The following C2orf15 variants were observed in gnomAD, a reference collection of about 807,000 sequenced individuals.
C2orf15 encodes the protein chromosome 2 open reading frame 15, also known as uncharacterized protein C2orf15.
A neutral mutation model predicts 4.4 loss-of-function variants in C2orf15; 3 were observed. The ratio of observed to expected loss-of-function variants is 0.67; its 90% CI spans 0.31 to 1.74. The LOEUF (loss-of-function observed/expected upper bound fraction) is 1.74, where lower values mean the gene tolerates loss of function less well. C2orf15 is among the 40% of genes most tolerant of loss of function. The probability of loss-of-function intolerance (pLI) is 0.09; values close to 1 mark genes in which losing one functional copy is unlikely to be tolerated. For synonymous variants in C2orf15, 37 were observed against 36.8 expected, an observed-to-expected ratio of 1.00 and a Z score of -0.02; for missense variants, 90 against 103.3, an observed-to-expected ratio of 0.87 and a Z score of 0.56.
In C2orf15 at chr2:99,147,488, G is replaced by A; in HGVS notation, c.-82G>A. On this transcript the variant is annotated 5_prime_UTR_variant, in exon 3 of 4. Coordinates refer to ENST00000650052, the MANE Select transcript of C2orf15 (RefSeq NM_144706.4). Reference sequence around the variant, plus strand: ...CCTTCATGTCCTCAACTCTGGGGAAGTTAAGGTAAGACTCACAGGGCCAAG... The same window carrying A: ...CCTTCATGTCCTCAACTCTGGGGAAATTAAGGTAAGACTCACAGGGCCAAG... The A allele has an allele frequency of 1.2e-6, 2 of 1,614,002 alleles. No homozygotes were observed. The highest frequency in any genetic ancestry group is 1.7e-6 in the Non-Finnish European group (2 of 1,179,906).
At chr2:99,143,280 TACAGGCGCCC>T (rs1341356497) in intron 2 of C2orf15, among the ~76,000 whole-genome samples, 1 of 150,976 alleles carries the variant, frequency 6.6e-6, no homozygotes, top group Non-Finnish European at 1.5e-5. Context: ...TAGCTAGGAC[TACAGGCGCCC>T]ACTACTACGC....
intron 2 of C2orf15, among the ~76,000 whole-genome samples, chr2:99,143,408 C>T (rs2093598310): frequency 6.6e-6 from 1 of 151,648 alleles, no homozygotes; most frequent in African/African-American, 2.4e-5. Flanking sequence ...ATCCACCCGC[C>T]TCAGCCTCCC....
chr2:99,145,507 T>TGG (rs2093622762), intron 2 of C2orf15, among the ~76,000 whole-genome samples: 1 of 150,884 alleles, frequency 6.6e-6, no homozygotes, highest in Admixed American at 6.6e-5. Flanking sequence ...GCAGTCACCC[T>TGG]AGATCACACC....
chr2:99,147,521 T>C, intron 3 of C2orf15, 28 bp downstream of exon 3: 1 of 1,604,814 alleles, frequency 6.2e-7, no homozygotes, highest in East Asian at 2.2e-5. Context: ...AAGTCTACCC[T>C]ATTATACTTG....
chr2:99,150,741 AGG>A lies in C2orf15; in HGVS notation c.185_186del (p.Gly62AspfsTer21). The A allele has an allele frequency of 6.2e-7, 1 of 1,613,964 alleles. No individual in the cohort carries two copies. The highest frequency in any genetic ancestry group is 1.1e-5 in the South Asian group (1 of 91,084). On this transcript the variant is annotated frameshift_variant, in exon 4 of 4. Transcript: ENST00000650052. LOFTEE classifies it high-confidence loss of function. The part of the protein sequence containing the change: ...TNQENFTRIE[G>X]TGTGSLSGKA... ...ATCAAGAAAACTTTACAAGGATTGA[AGG>A]GACTGGCACAGGATCTCTTTCTGGG...
chr2:99,149,449 T>TC (rs894526230), intron 3 of C2orf15, among the ~76,000 whole-genome samples: 2 of 150,764 alleles, frequency 1.3e-5, no homozygotes, highest in Non-Finnish European at 3.0e-5. Context: ...CATCTTTTTT[T>TC]TTTTTTTTTT....
chr2:99,148,583 A>C (rs1399708155), intron 3 of C2orf15, among the ~76,000 whole-genome samples: 1 of 152,244 alleles, frequency 6.6e-6, no homozygotes, highest in African/African-American at 2.4e-5. Flanking sequence ...GATTCTTTAG[A>C]AATGTTCAGT....
At chr2:99,149,939 C>G (rs979774529) in intron 3 of C2orf15, among the ~76,000 whole-genome samples, 2 of 151,958 alleles carry the variant, frequency 1.3e-5, no homozygotes, top group African/African-American at 4.8e-5. Flanking sequence ...ATTTCAGGTG[C>G]ATGCCACCAC....
Position 99,150,639 on chromosome 2 carries a change from AG to A in C2orf15, c.84del (p.Thr29LeufsTer19). On this transcript the variant is annotated frameshift_variant, in exon 4 of 4. Coordinates refer to ENST00000650052, the MANE Select transcript of C2orf15 (RefSeq NM_144706.4). LOFTEE classifies it high-confidence loss of function. ...DSKVDDHLIR[G>X]TEKSRLEPAT... The stretch of plus-strand genomic sequence containing the variant: ...CAAAAGTGGATGATCACTTAATACG[AG>A]GGACTGAAAAAAGCAGGTTGGAACC... 1 of 1,614,110 alleles carries A rather than the reference AG, an allele frequency of 6.2e-7. No individual in the cohort carries two copies. The highest frequency in any genetic ancestry group is 1.3e-5 in the African/African-American group (1 of 75,052).
chr2:99,145,724 G>A (rs1246131512), intron 2 of C2orf15, among the ~76,000 whole-genome samples: 1 of 152,166 alleles, frequency 6.6e-6, no homozygotes, highest in African/African-American at 2.4e-5. Flanking sequence ...CATCTTTGAA[G>A]ACTATTATTC....
chr2:99,147,552 T>C, intron 3 of C2orf15, 59 bp downstream of exon 3: 1 of 1,469,706 alleles, frequency 6.8e-7, no homozygotes, highest in Non-Finnish European at 9.5e-7. Flanking sequence ...AGTCCTTTTA[T>C]TAGATTGAAG....
intron 2 of C2orf15, among the ~76,000 whole-genome samples, chr2:99,143,017 C>CT (rs976321187): frequency 4.6e-5 from 7 of 151,458 alleles, no homozygotes; most frequent in African/African-American, 1.5e-4. Context: ...AAAGATTTTC[C>CT]TTTTTTTTCC....
At chr2:99,144,023 T>G (rs796661074) in intron 2 of C2orf15, among the ~76,000 whole-genome samples, 20 of 150,808 alleles carry the variant, frequency 1.3e-4, no homozygotes, top group African/African-American at 3.2e-4. Flanking sequence ...TGTTCCTTTT[T>G]TTTGTTTGTT....
At chr2:99,142,582 G>GT (rs2093580105) in intron 2 of C2orf15, among the ~76,000 whole-genome samples, 181 bp downstream of exon 2, 1 of 151,912 alleles carries the variant, frequency 6.6e-6, no homozygotes, top group South Asian at 2.1e-4. Context: ...CATATACTTT[G>GT]TAAGTATAAT....
intron 2 of C2orf15, chr2:99,147,119 C>T (rs2093640258): frequency 4.4e-6 from 1 of 226,060 alleles, no homozygotes; most frequent in Admixed American, 5.3e-5. Context: ...TGTACCTGTA[C>T]AAGGTTATTT....
chr2:99,145,466 G>A (rs1424763438), intron 2 of C2orf15, among the ~76,000 whole-genome samples: 5 of 151,794 alleles, frequency 3.3e-5, no homozygotes, highest in Non-Finnish European at 5.9e-5. Context: ...GCTGAGGCAC[G>A]AGAATCACTT....
chr2:99,144,074 G>A (rs886837473), intron 2 of C2orf15, among the ~76,000 whole-genome samples: 6 of 152,058 alleles, frequency 3.9e-5, no homozygotes, highest in Non-Finnish European at 8.8e-5. Flanking sequence ...AGGCTGGAGT[G>A]CAGTGGCGCG....
intron 2 of C2orf15, among the ~76,000 whole-genome samples, chr2:99,143,451 G>A (rs1025423816): frequency 2.7e-5 from 4 of 148,764 alleles, no homozygotes; most frequent in Admixed American, 2.7e-4. Flanking sequence ...GAGCCACTGC[G>A]CCCAGACTTT....
At chr2:99,142,645 G>A (rs2093581401) in intron 2 of C2orf15, among the ~76,000 whole-genome samples, 1 of 152,098 alleles carries the variant, frequency 6.6e-6, no homozygotes, top group African/African-American at 2.4e-5. Context: ...AGAGGTTAGA[G>A]GACACAAGGA....
Sources: allele counts gnomAD v4.1 joint callset (sites outside exome capture counted in the v4.1 genomes callset), GRCh38; gene constraint gnomAD v4.1.1; transcripts MANE v1.5; gene names NCBI Gene and HGNC (gene_info 2026-07-23, HGNC 2026-07-21).